The following TMPRSS2 variants were observed in gnomAD, a reference collection of about 807,000 sequenced individuals.
The protein encoded by TMPRSS2 is transmembrane protease serine 2.
In TMPRSS2, 59 loss-of-function variants were observed where a neutral mutation model predicts 67.4. That is an observed-to-expected ratio of 0.88 (90% CI 0.71 to 1.09). The LOEUF is 1.09. Among genes scored for constraint, TMPRSS2 ranks in the 50% least tolerant of loss-of-function variants. TMPRSS2 has a pLI of 0.00. For synonymous variants in TMPRSS2, 257 were observed against 257.0 expected (o/e 1.00, Z 0.00); for missense variants, 668 against 642.7 (o/e 1.04, Z -0.43).
At chr21:41,479,366 G>A (rs746118291) in intron 6 of TMPRSS2, 84 bp from the exon 7 acceptor site, 93 of 992,552 alleles carry the variant, frequency 9.4e-5, no homozygotes, top group African/African-American at 8.1e-5. Flanking sequence ...CCGCTCATAC[G>A]ACATTCAGAA....
chr21:41,493,388 G>A (rs2091353631), intron 3 of TMPRSS2, among the ~76,000 whole-genome samples: 2 of 152,156 alleles, frequency 1.3e-5, no homozygotes, highest in African/African-American at 4.8e-5. Flanking sequence ...GGGTAGAAAC[G>A]CAGGAGCGGC....
intron 1 of TMPRSS2, among the ~76,000 whole-genome samples, chr21:41,507,305 C>A (rs1031077023): frequency 1.1e-4 from 16 of 152,110 alleles, no homozygotes; most frequent in African/African-American, 3.9e-4. Context: ...GCCCCGCCTT[C>A]CCCCCAACCC....
rs745742232 is a variant in TMPRSS2 at position 41,471,841 on chromosome 21, G to A, written c.1040C>T (p.Ala347Val). The A allele has an allele frequency of 2.8e-5, 45 of 1,611,942 alleles. No homozygotes were observed. The highest frequency in any genetic ancestry group is 6.7e-5 in the Admixed American group (4 of 59,900). ...CAGAGGCTTCTGCAGCTTCATCAGC[G>A]CAATGTCATTGTTCTTGGTCTTGGA... is the stretch of plus-strand genomic sequence containing the variant. ...YDSKTKNNDI[A>V]LMKLQKPLTF... Residue 347 changes from alanine to valine, a missense_variant, in exon 10 of 14, where the codon GCG becomes GTG. Ala to Val is a moderately conservative substitution (Grantham distance 64). Transcript: ENST00000332149.
At chr21:41,475,716 G>A (rs2091206508) in intron 8 of TMPRSS2, among the ~76,000 whole-genome samples, 1 of 119,064 alleles carries the variant, frequency 8.4e-6, no homozygotes, top group Non-Finnish European at 1.8e-5. Context: ...ATGAGAGGTT[G>A]AGGGGGTGAG....
intron 7 of TMPRSS2, among the ~76,000 whole-genome samples, chr21:41,477,127 G>A (rs1196248369): frequency 6.6e-6 from 1 of 152,230 alleles, no homozygotes; most frequent in East Asian, 1.9e-4. Context: ...AGTAACTGAT[G>A]CATTTTGTCC....
chr21:41,468,014 G>C lies in TMPRSS2; in HGVS notation c.1315-128C>G, dbSNP rs1030051488. On this transcript the variant is annotated intron_variant, in intron 12 of 13. Transcript: ENST00000332149. ...AGTTACGAGTGACTGTGTGGGCTTCGAATCTCCACCATCAAGGGGTGATGG... is the reference window on the plus strand; with the variant it reads ...AGTTACGAGTGACTGTGTGGGCTTCCAATCTCCACCATCAAGGGGTGATGG... 3.6e-5 allele frequency: 35 copies of C among 967,076 alleles called. No homozygotes were observed. In the South Asian group the frequency reaches 5.4e-4, roughly 15 times the overall value. The allele number at this position is 967,076 out of a possible 1,614,324, so 59.9% of individuals were successfully genotyped here.
intron 3 of TMPRSS2, among the ~76,000 whole-genome samples, chr21:41,490,673 A>G (rs1237834561): frequency 2.6e-5 from 4 of 152,260 alleles, no homozygotes; most frequent in Non-Finnish European, 4.4e-5. Context: ...GTAAGCCAAA[A>G]GTCACACAGA....
chr21:41,506,913 G>A (rs1307558726), intron 1 of TMPRSS2, among the ~76,000 whole-genome samples: 1 of 152,202 alleles, frequency 6.6e-6, no homozygotes, highest in African/African-American at 2.4e-5. Flanking sequence ...CACTGCACAG[G>A]TTCGCACGGA....
chr21:41,466,078 G>A lies in TMPRSS2; in HGVS notation c.*64C>T, dbSNP rs373238498. ...TCATCTCTAAGAGTAAATCATGCAC[G>A]GGGAAGCAAAACCAGCCCCATTGTT... is the stretch of plus-strand genomic sequence containing the variant. On this transcript the variant is annotated 3_prime_UTR_variant, in exon 14 of 14. Coordinates refer to ENST00000332149, the MANE Select transcript of TMPRSS2 (RefSeq NM_005656.4). The A allele has an allele frequency of 5.5e-5, 87 of 1,590,882 alleles. No homozygotes were observed. Among genetic ancestry groups the A allele is most frequent in the Middle Eastern group, 3.3e-4 (2 of 6,042 alleles).
Position 41,479,241 on chromosome 21 carries a change from C to T in TMPRSS2, c.614G>A (p.Gly205Glu). 1.9e-6 allele frequency: 3 copies of T among 1,613,998 alleles called. No homozygotes were observed. The highest frequency in any genetic ancestry group is 1.7e-6 in the Non-Finnish European group (2 of 1,179,980). ...GTTCAGTTTCATAAAGCTGGTGGAT[C>T]CGCTGTCATCCACTATTCCTTGGCT... The part of the protein sequence containing the change: ...YSSQGIVDDS[G>E]STSFMKLNTS... Residue 205 changes from glycine to glutamate, a missense_variant, in exon 7 of 14, where the codon GGA becomes GAA. Coordinates refer to ENST00000332149, the MANE Select transcript of TMPRSS2 (RefSeq NM_005656.4).
chr21:41,464,500 G>A lies in TMPRSS2; in HGVS notation c.*1642C>T. 1 of 199,396 alleles carries A rather than the reference G, an allele frequency of 5.0e-6. No homozygotes were observed. Among genetic ancestry groups the A allele is most frequent in the Non-Finnish European group, 1.0e-5 (1 of 96,422 alleles). The allele number at this position is 199,396 out of a possible 1,614,324, so 12.4% of individuals were successfully genotyped here. A position where few individuals can be genotyped will look rare whatever the true frequency, so the allele number is the denominator to read the frequency against. The stretch of plus-strand genomic sequence containing the variant: ...CAGCCTCAACATCACCCCCTTATAA[G>A]GAAATGGAGGCTGGTCCTACTCACC... On this transcript the variant is annotated 3_prime_UTR_variant, in exon 14 of 14. Transcript: ENST00000332149.
chr21:41,472,495 AC>A, intron 9 of TMPRSS2, among the ~76,000 whole-genome samples: 1 of 152,060 alleles, frequency 6.6e-6, no homozygotes, highest in South Asian at 2.1e-4. Flanking sequence ...CCCTTGGGTA[AC>A]AGCCCTTGAG....
intron 3 of TMPRSS2, 41 bp from the exon 4 acceptor site, chr21:41,489,634 T>C (rs1248140594): frequency 7.0e-7 from 1 of 1,420,792 alleles, no homozygotes; most frequent in Admixed American, 1.8e-5. Flanking sequence ...ACCAGAGTTG[T>C]TTAGAAGTCA....
chr21:41,475,922 G>A (rs564705715), intron 8 of TMPRSS2, among the ~76,000 whole-genome samples: 49 of 152,030 alleles, frequency 3.2e-4, no homozygotes, highest in African/African-American at 1.2e-3. Context: ...ATGGGACGGT[G>A]TCAGCTCCTT....
chr21:41,492,782 G>A (rs1027471650), intron 3 of TMPRSS2, among the ~76,000 whole-genome samples: 2 of 152,138 alleles, frequency 1.3e-5, no homozygotes, highest in African/African-American at 4.8e-5. Flanking sequence ...CCATCATGTG[G>A]GCCAGGGGTT....
chr21:41,481,859 T>C (rs1389751719), intron 5 of TMPRSS2, among the ~76,000 whole-genome samples: 1 of 152,166 alleles, frequency 6.6e-6, no homozygotes, highest in Non-Finnish European at 1.5e-5. Context: ...GGTCAGGCGT[T>C]TGAGATCAGC....
intron 5 of TMPRSS2, 133 bp from the exon 6 acceptor site, chr21:41,480,735 T>C (rs2091250856): frequency 8.0e-7 from 1 of 1,253,778 alleles, no homozygotes; most frequent in Non-Finnish European, 1.1e-6. Context: ...GCCTCCCAGG[T>C]TCAAGTGATT....
intron 5 of TMPRSS2, among the ~76,000 whole-genome samples, chr21:41,483,465 A>G (rs758324863): frequency 6.6e-6 from 1 of 152,070 alleles, no homozygotes; most frequent in Non-Finnish European, 1.5e-5. Flanking sequence ...TATTTTTAGT[A>G]GAGACGGGGT....
rs377060358 is a variant in TMPRSS2, at chr21:41,494,415, G to A, written c.179C>T (p.Ala60Val). Reference sequence around the variant, plus strand: ...CTGCGTGCAGACGACGGGGTTGGAAGCCTGCGTCAGGACCCTCGGGGCGTA... The same window carrying A: ...CTGCGTGCAGACGACGGGGTTGGAAACCTGCGTCAGGACCCTCGGGGCGTA... ...PQYAPRVLTQ[A>V]SNPVVCTQPK... Residue 60 changes from alanine (A) to valine (V), a missense_variant, in exon 3 of 14, where the codon GCT (alanine) becomes GTT (valine). Transcript: ENST00000332149. 1.8e-5 allele frequency: 29 copies of A among 1,611,756 alleles called. No individual in the cohort carries two copies. Among genetic ancestry groups the A allele is most frequent in the Admixed American group, 3.4e-5 (2 of 59,138 alleles).
Sources: allele counts gnomAD v4.1 joint callset (sites outside exome capture counted in the v4.1 genomes callset), GRCh38; gene constraint gnomAD v4.1.1; transcripts MANE v1.5; gene names NCBI Gene and HGNC (gene_info 2026-07-23, HGNC 2026-07-21).